STOX2: variants seen among roughly 807,000 people sequenced by gnomAD.
STOX2 encodes the protein storkhead box 2.
Under a neutral mutation model 60.9 loss-of-function variants are expected in STOX2, and 28 were observed. That is an observed-to-expected ratio of 0.46 (90% CI 0.34 to 0.63). The LOEUF is 0.63. Among genes scored for constraint, STOX2 ranks in the 30% least tolerant of loss-of-function variants. The pLI is 0.01. For missense variants in STOX2, 1,024 were observed against 1,187.7 expected (o/e 0.86, Z 2.03); for synonymous variants, 472 against 463.9 (o/e 1.02, Z -0.22).
rs778735778 is a variant in STOX2 at position 184,010,463 on chromosome 4, A to G, written c.1625A>G (p.Gln542Arg). 2.0e-5 allele frequency: 32 copies of G among 1,613,766 alleles called. No individual in the cohort carries two copies. The highest frequency in any genetic ancestry group is 2.7e-5 in the Non-Finnish European group (32 of 1,179,842). Residue 542 changes from glutamine (Q) to arginine (R), a missense_variant, in exon 3 of 4, where the codon CAA becomes CGA. Physicochemically the swap from Gln to Arg is conservative, Grantham distance 43. This residue lies in a region of STOX2 where 922 missense variants were observed against 1,058.3 expected (regional missense o/e 0.87). Coordinates refer to ENST00000308497, the MANE Select transcript of STOX2 (RefSeq NM_020225.3). This position sits in a 1 kb window ranked among gnomAD's most constrained non-coding sequence, Gnocchi z 4.5. ...AGGCCTGCACAGACCGTTAGTCTCC[A>G]AAGGGCTCACATTTCGTCCACAAGC... is the stretch of plus-strand genomic sequence containing the variant. Reference protein sequence around the residue: ...TLRPAQTVSLQRAHISSTSYK... With the variant: ...TLRPAQTVSLRRAHISSTSYK...
chr4:183,880,238 C>T (rs960983457), intron 1 of STOX2, among the ~76,000 whole-genome samples: 1 of 152,166 alleles, frequency 6.6e-6, no homozygotes, highest in Non-Finnish European at 1.5e-5. Context: ...CCCGCCTTGG[C>T]CTCCCAAAGT....
chr4:183,938,671 A>AAT (rs1165559826), intron 1 of STOX2, among the ~76,000 whole-genome samples: 5 of 12,804 alleles, frequency 3.9e-4, no homozygotes, highest in Admixed American at 7.1e-4. Context: ...TCCGTCTCCA[A>AAT]AAAAAAAAAA....
chr4:183,892,428 G>C (rs376462576), intron 1 of STOX2, among the ~76,000 whole-genome samples: 8 of 152,114 alleles, frequency 5.3e-5, no homozygotes, highest in Admixed American at 2.0e-4. Flanking sequence ...ATGGGCGCCC[G>C]CCACCACGCC....
intron 1 of STOX2, among the ~76,000 whole-genome samples, chr4:183,975,772 A>G (rs766264862): frequency 3.3e-5 from 5 of 152,356 alleles, no homozygotes; most frequent in Admixed American, 1.3e-4. Flanking sequence ...ATTCTGTAAG[A>G]TCTTTTTCAA....
chr4:183,882,105 A>G (rs886293212), intron 1 of STOX2, among the ~76,000 whole-genome samples: 2 of 152,222 alleles, frequency 1.3e-5, no homozygotes, highest in African/African-American at 4.8e-5. Context: ...GTACACTGAT[A>G]CCCAGCTCAC....
chr4:183,932,694 A>G lies in STOX2; in HGVS notation c.166+25738A>G, dbSNP rs146116071. Among the ~76,000 whole-genome samples, 275 of 151,588 alleles carry G rather than the reference A, an allele frequency of 1.8e-3. 2 individuals are homozygous for G. Among genetic ancestry groups the G allele is most frequent in the Admixed American group, 9.5e-3 (144 of 15,176 alleles). On this transcript the variant is annotated intron_variant, in intron 1 of 3. Transcript: ENST00000308497. ...ACTTAAGGGCTCATGTCAGCCTTGA[A>G]TATGAACTGTTCTGAGCCTTGTGAA...
chr4:184,001,419 G>T lies in STOX2; in HGVS notation c.261G>T (p.Ser87=), dbSNP rs776162604. The T allele has an allele frequency of 4.3e-6, 7 of 1,613,614 alleles. No individual in the cohort carries two copies. The highest frequency in any genetic ancestry group is 5.9e-6 in the Non-Finnish European group (7 of 1,179,844). Residue 87 remains serine, a synonymous_variant, in exon 2 of 4, where the codon TCG becomes TCT. Coordinates refer to ENST00000308497, the MANE Select transcript of STOX2 (RefSeq NM_020225.3). The surrounding 1 kb of genome is among the most constrained non-coding windows in gnomAD (Gnocchi z 4.2). ...GCTTGGCCATCTCAGCAATGAACTC[G>T]GCAAGAAAGCCTGTCACCCAAGAAG... ...ILCLAISAMN[S]ARKPVTQEAL...
rs1742956451 is a variant in STOX2 at position 183,948,229 on chromosome 4, A to AAC, written c.166+41274_166+41275insCA. Reference sequence around the variant, plus strand: ...GCAAAACTCCATCTCAAAAAAAAAAAAAAAAAAAAAAAAAACACGAAAAAG... The same window carrying AAC: ...GCAAAACTCCATCTCAAAAAAAAAAAACAAAAAAAAAAAAAAACACGAAAAAG... On this transcript the variant is annotated intron_variant, in intron 1 of 3. Transcript: ENST00000308497. Among the ~76,000 whole-genome samples, 3 of 150,068 alleles carry AAC rather than the reference A, an allele frequency of 2.0e-5. 1 individual carries two copies. Among genetic ancestry groups the AAC allele is most frequent in the Admixed American group, 1.3e-4 (2 of 15,110 alleles).
rs1272107700 is a variant in STOX2 at position 183,871,084 on chromosome 4, G to T, written c.364+73029G>T. On this transcript the variant is annotated intron_variant, in intron 1 of 2. Coordinates refer to the STOX2 transcript ENST00000513034. ...TTGCTTTAACTAATACGAGACTGCA[G>T]TGAGTGTTATTCTGGTGAGTGGGTG... 2.6e-5 allele frequency among the ~76,000 whole-genome samples: 4 copies of T among 152,346 alleles called. No homozygotes were observed. In the East Asian group the frequency reaches 5.8e-4, roughly 22 times the overall value.
At chr4:183,859,569 G>A (rs949594707) in intron 1 of STOX2, among the ~76,000 whole-genome samples, 1 of 152,200 alleles carries the variant, frequency 6.6e-6, no homozygotes, top group African/African-American at 2.4e-5. Flanking sequence ...AGAGGCGGCG[G>A]GGCCAGGGTA....
chr4:183,941,706 C>T (rs1158659063), intron 1 of STOX2, among the ~76,000 whole-genome samples: 1 of 152,166 alleles, frequency 6.6e-6, no homozygotes, highest in East Asian at 1.9e-4. Flanking sequence ...GCCTGGCACA[C>T]AGTCATTAGC....
intron 1 of STOX2, among the ~76,000 whole-genome samples, chr4:183,920,067 A>G (rs1742054210): frequency 1.3e-5 from 2 of 152,192 alleles, no homozygotes; most frequent in South Asian, 4.1e-4. Flanking sequence ...ACTCATCGGT[A>G]TACTTTTAAT....
chr4:183,835,069 T>C (rs1282604156), intron 1 of STOX2, among the ~76,000 whole-genome samples: 4 of 151,942 alleles, frequency 2.6e-5, no homozygotes, highest in African/African-American at 7.2e-5. Flanking sequence ...ATAGGTGAGA[T>C]TGAATTCTAG....
chr4:183,914,218 G>C (rs1741865366), intron 1 of STOX2, among the ~76,000 whole-genome samples: 1 of 152,114 alleles, frequency 6.6e-6, no homozygotes, highest in Non-Finnish European at 1.5e-5. Context: ...TTTGTAAGTG[G>C]TTGGGTTTAA....
intron 1 of STOX2, among the ~76,000 whole-genome samples, chr4:183,877,744 G>A (rs1740865086): frequency 6.6e-6 from 1 of 152,158 alleles, no homozygotes; most frequent in African/African-American, 2.4e-5. Context: ...ACAGTGGGGC[G>A]ATCTTGGCTT....
chr4:183,917,090 G>A (rs983139581), intron 1 of STOX2, among the ~76,000 whole-genome samples: 9 of 152,224 alleles, frequency 5.9e-5, no homozygotes, highest in Admixed American at 6.5e-5. Flanking sequence ...AGTGTCTAGC[G>A]AGTGCCAGAT....
At position 183,831,911 on chromosome 4, in the gene STOX2, G is replaced by A. The variant is rs368328628; in HGVS notation, c.364+33856G>A. ...CTCTGCCCAATTTTTCCTGTTTCCAGGCTTTAGTCCCCTTCTCGGCCCCTC... is the reference window on the plus strand; with the variant it reads ...CTCTGCCCAATTTTTCCTGTTTCCAAGCTTTAGTCCCCTTCTCGGCCCCTC... On this transcript the variant is annotated intron_variant, in intron 1 of 2. Transcript: ENST00000513034. 1.5e-4 allele frequency among the ~76,000 whole-genome samples: 23 copies of A among 151,880 alleles called. No individual in the cohort carries two copies. In the East Asian group the frequency reaches 4.5e-3, roughly 29 times the overall value.
At chr4:183,823,664 T>G (rs540358279) in intron 1 of STOX2, among the ~76,000 whole-genome samples, 12 of 152,314 alleles carry the variant, frequency 7.9e-5, no homozygotes, top group Non-Finnish European at 1.8e-4. Context: ...CTCATAGCTC[T>G]GGGCCCGAGA....
At chr4:184,012,387 A>T (rs1158865558) in intron 3 of STOX2, among the ~76,000 whole-genome samples, 1 of 152,212 alleles carries the variant, frequency 6.6e-6, no homozygotes, top group East Asian at 1.9e-4. Flanking sequence ...AAGATTTTAT[A>T]ATACTTATAA....
Sources: allele counts gnomAD v4.1 joint callset (sites outside exome capture counted in the v4.1 genomes callset), GRCh38; gene constraint gnomAD v4.1.1; regional missense constraint gnomAD v4.1.1; non-coding constraint Gnocchi (gnomAD v3.1); transcripts MANE v1.5; gene names NCBI Gene and HGNC (gene_info 2026-07-23, HGNC 2026-07-21).